The following PCDHGA1 variants were observed in gnomAD, a reference collection of about 807,000 sequenced individuals.
PCDHGA1 encodes the protein protocadherin gamma subfamily A, 1, also known as protocadherin gamma-A1.
Under a neutral mutation model 58.0 loss-of-function variants are expected in PCDHGA1, and 32 were observed. The observed-to-expected ratio is 0.55, with a 90% CI of 0.42 to 0.74. The LOEUF is 0.74. Among genes scored for constraint, PCDHGA1 ranks in the 30% least tolerant of loss-of-function variants. The probability of loss-of-function intolerance (pLI) is 0.00; values close to 1 mark genes in which losing one functional copy is unlikely to be tolerated. For synonymous variants in PCDHGA1, 498 were observed against 501.1 expected (o/e 0.99, Z 0.08); for missense variants, 1,205 against 1,182.3 (o/e 1.02, Z -0.28).
chr5:141,416,523 C>G (rs2096035969), intron 1 of PCDHGA1: 1 of 152,064 alleles, frequency 6.6e-6, no homozygotes, highest in Admixed American at 6.6e-5. Flanking sequence ...TTCAGTGGCT[C>G]TTTAATGTAT....
At chr5:141,419,137 C>T (rs764281503) in intron 1 of PCDHGA1, 1 of 1,613,892 alleles carries the variant, frequency 6.2e-7, no homozygotes, top group Non-Finnish European at 8.5e-7. Flanking sequence ...CAGCCACAGA[C>T]AGGGGCAAGC....
intron 1 of PCDHGA1, among the ~76,000 whole-genome samples, chr5:141,430,040 T>C (rs1449876504): frequency 1.3e-5 from 2 of 152,232 alleles, no homozygotes; most frequent in African/African-American, 2.4e-5. Flanking sequence ...ATTCTGATAA[T>C]GTATACAATC....
intron 1 of PCDHGA1, chr5:141,413,841 T>A: frequency 6.2e-7 from 1 of 1,613,060 alleles, no homozygotes; most frequent in Non-Finnish European, 8.5e-7. Flanking sequence ...CCGACGGGGG[T>A]GACCCTCTCC....
At chr5:141,351,297 T>C (rs1758686491) in intron 1 of PCDHGA1, 2 of 1,613,958 alleles carry the variant, frequency 1.2e-6, no homozygotes, top group Non-Finnish European at 1.7e-6. Flanking sequence ...GTGACATTCA[T>C]GTCCTTCTCT....
Position 141,476,348 on chromosome 5 carries a change from G to C in PCDHGA1, c.2422-18459G>C, listed in dbSNP as rs764669470. Reference sequence around the variant, plus strand: ...GTCTGGAGCTAGCCGAAGATTCTTTGAGGTGAACCGGGAGACCGGAGAGAT... The same window carrying C: ...GTCTGGAGCTAGCCGAAGATTCTTTCAGGTGAACCGGGAGACCGGAGAGAT... On this transcript the variant is annotated intron_variant, in intron 1 of 3. Transcript: ENST00000517417. The surrounding 1 kb of genome is among the most constrained non-coding windows in gnomAD (Gnocchi z 7.6). 2 of 1,614,190 alleles carry C rather than the reference G, an allele frequency of 1.2e-6. No individual in the cohort carries two copies. The highest frequency in any genetic ancestry group is 2.2e-5 in the South Asian group (2 of 91,078).
rs776685212 is a variant in PCDHGA1 at position 141,370,880 on chromosome 5, A to T, written c.2421+37775A>T. The stretch of plus-strand genomic sequence containing the variant: ...TGGAATCTGCGCAAGATCCTGATGT[A>T]GGTGTCAATTCGCTGCAGCAGTACT... On this transcript the variant is annotated intron_variant, in intron 1 of 3. Coordinates refer to ENST00000517417, the MANE Select transcript of PCDHGA1 (RefSeq NM_018912.3). 4 of 1,614,042 alleles carry T rather than the reference A, an allele frequency of 2.5e-6. No individual in the cohort carries two copies. In the South Asian group the frequency reaches 3.3e-5, roughly 13 times the overall value.
chr5:141,361,805 A>G, intron 1 of PCDHGA1: 1 of 1,613,138 alleles, frequency 6.2e-7, no homozygotes, highest in Non-Finnish European at 8.5e-7. Context: ...GACCTCAATG[A>G]CAATGCGCCA....
At chr5:141,374,816 C>A (rs771806207) in intron 1 of PCDHGA1, 1 of 1,613,964 alleles carries the variant, frequency 6.2e-7, no homozygotes, top group Non-Finnish European at 8.5e-7. Context: ...GTTTACTCAG[C>A]CTGTCTACCG....
At chr5:141,506,444 CAAAAAAAA>C (rs1219684339) in intron 3 of PCDHGA1, among the ~76,000 whole-genome samples, 24 of 95,024 alleles carry the variant, frequency 2.5e-4, no homozygotes, top group African/African-American at 9.5e-4. Flanking sequence ...CGCTCTGTCT[CAAAAAAAA>C]AAAAAAAAAA....
At chr5:141,497,703 C>T (rs995815060) in intron 2 of PCDHGA1, among the ~76,000 whole-genome samples, 16 of 152,134 alleles carry the variant, frequency 1.1e-4, no homozygotes, top group African/African-American at 3.9e-4. Context: ...CCACACCCAG[C>T]TCATTTTTGT....
At chr5:141,443,792 A>G (rs540226154) in intron 1 of PCDHGA1, among the ~76,000 whole-genome samples, 67 of 152,366 alleles carry the variant, frequency 4.4e-4, no homozygotes, top group African/African-American at 1.4e-3. Flanking sequence ...AAAAAAAATG[A>G]AAAGGAAACA....
intron 1 of PCDHGA1, chr5:141,376,684 T>TTTTTGTTTTTG: frequency 2.5e-6 from 2 of 809,290 alleles, no homozygotes; most frequent in African/African-American, 1.9e-5. Flanking sequence ...TCGTTTTTTT[T>TTTTTGTTTTTG]TTTTTTTTTT....
Position 141,487,933 on chromosome 5 carries a change from A to G in PCDHGA1, c.2422-6874A>G. ...CACAGGAGGCTACAGTGCACAGGGT[A>G]CAGTGCACCAGGCAGTCACTTGGAC... is the stretch of plus-strand genomic sequence containing the variant. On this transcript the variant is annotated intron_variant, in intron 1 of 3. Coordinates refer to ENST00000517417, the MANE Select transcript of PCDHGA1 (RefSeq NM_018912.3). This position sits in a 1 kb window ranked among gnomAD's most constrained non-coding sequence, Gnocchi z 5.0. 1 of 612,006 alleles carries G rather than the reference A, an allele frequency of 1.6e-6. No homozygotes were observed. Among genetic ancestry groups the G allele is most frequent in the South Asian group, 2.0e-5 (1 of 49,074 alleles). The allele number at this position is 612,006 out of a possible 1,614,324, so 37.9% of individuals were successfully genotyped here. A position where few individuals can be genotyped will look rare whatever the true frequency, so the allele number is the denominator to read the frequency against.
chr5:141,441,179 C>G (rs150511376), intron 1 of PCDHGA1: 13 of 152,210 alleles, frequency 8.5e-5, no homozygotes, highest in South Asian at 2.1e-4. Context: ...ACTTCTAATT[C>G]CACAATGATT....
chr5:141,385,125 C>T (rs1206430746), intron 1 of PCDHGA1: 7 of 1,614,212 alleles, frequency 4.3e-6, no homozygotes, highest in Non-Finnish European at 8.5e-7. Context: ...ACTTTGTGGG[C>T]ATGGACGGGG....
At chr5:141,354,547 A>G (rs977190350) in intron 1 of PCDHGA1, among the ~76,000 whole-genome samples, 3 of 152,032 alleles carry the variant, frequency 2.0e-5, no homozygotes, top group African/African-American at 7.3e-5. Context: ...TAGAGGGTCA[A>G]CTCCTGTGAG....
At position 141,370,693 on chromosome 5, in the gene PCDHGA1, C is replaced by G. The variant is rs762773164; in HGVS notation, c.2421+37588C>G. On this transcript the variant is annotated intron_variant, in intron 1 of 3. Coordinates refer to ENST00000517417, the MANE Select transcript of PCDHGA1 (RefSeq NM_018912.3). ...CGAGAGGAGATTTGTGGCAAGAAGT[C>G]GACGTGTGTTCTGGAATTTGAAATG... 28 of 1,613,754 alleles carry G rather than the reference C, an allele frequency of 1.7e-5. No individual in the cohort carries two copies. In the East Asian group the frequency reaches 3.8e-4, roughly 22 times the overall value.
rs374476072 is a variant in PCDHGA1, at chr5:141,419,103, C to T, written c.2422-75704C>T. 5 of 1,613,886 alleles carry T rather than the reference C, an allele frequency of 3.1e-6. 1 individual carries two copies. Among genetic ancestry groups the T allele is most frequent in the South Asian group, 1.1e-5 (1 of 91,088 alleles). On this transcript the variant is annotated intron_variant, in intron 1 of 3. Transcript: ENST00000517417. ...GATGAGGCCCTGGATCGGGAGCAGA[C>T]CCCAGAGTACAACGTCACCATCGCA... is the stretch of plus-strand genomic sequence containing the variant.
Position 141,410,397 on chromosome 5 carries a change from G to T in PCDHGA1, c.2421+77292G>T, listed in dbSNP as rs1338071222. Reference sequence around the variant, plus strand: ...TGGGACTGCTTCCATCCTGGTCTCTGTGTCAAGTCTGGACCTGTAGTTCCC... The same window carrying T: ...TGGGACTGCTTCCATCCTGGTCTCTTTGTCAAGTCTGGACCTGTAGTTCCC... On this transcript the variant is annotated intron_variant, in intron 1 of 3. Coordinates refer to ENST00000517417, the MANE Select transcript of PCDHGA1 (RefSeq NM_018912.3). The T allele has an allele frequency of 3.7e-6, 6 of 1,613,930 alleles. No homozygotes were observed. The African/African-American group carries it at 8.0e-5, about 22-fold the overall frequency.
Sources: gnomAD v4.1 joint callset for allele counts (sites outside exome capture counted in the v4.1 genomes callset) on GRCh38, gnomAD v4.1.1 for gene constraint, Gnocchi (gnomAD v3.1) non-coding constraint, MANE v1.5 for transcripts, NCBI Gene and HGNC (gene_info 2026-07-23, HGNC 2026-07-21) for gene names.